GTF3C1: variants seen among roughly 807,000 people sequenced by gnomAD.
GTF3C1 encodes the protein general transcription factor IIIC subunit 1, also known as general transcription factor 3C polypeptide 1.
A neutral mutation model predicts 226.7 loss-of-function variants in GTF3C1; 57 were observed. The observed-to-expected ratio is 0.25, with a 90% CI of 0.20 to 0.31. The LOEUF (loss-of-function observed/expected upper bound fraction) is 0.31, where lower values mean the gene tolerates loss of function less well. Ranked by LOEUF, GTF3C1 falls within the 10% of genes least tolerant of loss-of-function variation. GTF3C1 has a pLI of 1.00. For missense variants in GTF3C1, 2,217 were observed against 2,776.1 expected (o/e 0.80, Z 4.53); for synonymous variants, 1,090 against 1,084.8 (o/e 1.00, Z -0.09).
At chr16:27,520,263 C>T (rs1249212233) in intron 6 of GTF3C1, among the ~76,000 whole-genome samples, 11 of 152,004 alleles carry the variant, frequency 7.2e-5, no homozygotes, top group East Asian at 1.9e-4. Context: ...TACAGGCGTG[C>T]GCTAACACAC....
Position 27,492,457 on chromosome 16 carries a change from T to C in GTF3C1, c.3032A>G (p.His1011Arg). 5 of 1,612,834 alleles carry C rather than the reference T, an allele frequency of 3.1e-6. No individual in the cohort carries two copies. The highest frequency in any genetic ancestry group is 4.2e-6 in the Non-Finnish European group (5 of 1,178,900). ...VIVDTTICDP[H>R]YNLARSSRPF... is the part of the protein sequence containing the mutation. ...CCGGCTGCTGCGGGCCAGGTTGTAA[T>C]GTGGGTCGCAGATGGTAGTGTCAAC... is the stretch of plus-strand genomic sequence containing the variant. The change falls in exon 19 of 37, where the codon CAT (histidine) becomes CGT (arginine). Residue 1011 changes from histidine (H) to arginine (R), a missense_variant. By Grantham distance (29) the His-to-Arg change is conservative. Coordinates refer to ENST00000356183, the MANE Select transcript of GTF3C1 (RefSeq NM_001520.4). This position sits in a 1 kb window ranked among gnomAD's most constrained non-coding sequence, Gnocchi z 5.0.
At chr16:27,504,822 TCAGGAGGCTGAAG>T (rs1471407750) in intron 10 of GTF3C1, among the ~76,000 whole-genome samples, 1 of 152,076 alleles carries the variant, frequency 6.6e-6, no homozygotes, top group African/African-American at 2.4e-5. Flanking sequence ...TCCCAGCTAC[TCAGGAGGCTGAAG>T]CAGGAGGATC....
intron 1 of GTF3C1, among the ~76,000 whole-genome samples, chr16:27,546,811 G>C (rs2089171298): frequency 1.3e-5 from 2 of 151,852 alleles, no homozygotes; most frequent in Non-Finnish European, 2.9e-5. Context: ...TTGTCACCCA[G>C]GCTGGAGTGC....
chr16:27,485,350 A>C (rs992698079), intron 24 of GTF3C1, among the ~76,000 whole-genome samples: 1 of 152,248 alleles, frequency 6.6e-6, no homozygotes, highest in South Asian at 2.1e-4. Flanking sequence ...AAGGCAAATA[A>C]GAGGTCTCGC....
chr16:27,504,676 G>A (rs530419653), intron 10 of GTF3C1, among the ~76,000 whole-genome samples: 1 of 152,020 alleles, frequency 6.6e-6, no homozygotes, highest in Admixed American at 6.5e-5. Context: ...AGCACTTTGG[G>A]AGGCTAAGGC....
chr16:27,469,595 G>A lies in GTF3C1; in HGVS notation c.4815-45C>T. 1 of 1,576,098 alleles carries A rather than the reference G, an allele frequency of 6.3e-7. No homozygotes were observed. Among genetic ancestry groups the A allele is most frequent in the Non-Finnish European group, 8.7e-7 (1 of 1,154,770 alleles). ...TGGATACCTGAGCATAGGCCAGCCA[G>A]TTGCTACTGCAGCCTCTCCCCTCCC... is the stretch of plus-strand genomic sequence containing the variant. On this transcript the variant is annotated intron_variant, in intron 31 of 36. Transcript: ENST00000356183. The surrounding 1 kb of genome is among the most constrained non-coding windows in gnomAD (Gnocchi z 4.5).
intron 6 of GTF3C1, among the ~76,000 whole-genome samples, chr16:27,525,208 C>CAAAGAAAAGAAAAG (rs2088814212): frequency 8.0e-6 from 1 of 125,444 alleles, no homozygotes; most frequent in African/African-American, 3.5e-5. Context: ...AAGAAAAGAT[C>CAAAGAAAAGAAAAG]AAATACTGAG....
chr16:27,464,570 G>A lies in GTF3C1; in HGVS notation c.5622C>T (p.Asp1874=), dbSNP rs751579786. The part of the protein sequence containing the change: ...ASWASENGET[D]AEGTQMTPAK... Reference sequence around the variant, plus strand: ...CAGGGGTCATCTGGGTGCCCTCGGCGTCGGTCTCCCCATTCTCACTGGCCC... The same window carrying A: ...CAGGGGTCATCTGGGTGCCCTCGGCATCGGTCTCCCCATTCTCACTGGCCC... The change falls in exon 34 of 37, where the codon GAC becomes GAT. Residue 1874 remains aspartate (D), a synonymous_variant. Coordinates refer to ENST00000356183, the MANE Select transcript of GTF3C1 (RefSeq NM_001520.4). The A allele has an allele frequency of 8.0e-6, 12 of 1,490,830 alleles. No individual in the cohort carries two copies. Among genetic ancestry groups the A allele is most frequent in the South Asian group, 2.8e-5 (2 of 72,184 alleles). 92.4% of individuals were successfully genotyped at this position (1,490,830 alleles called of 1,614,324 possible). A position where few individuals can be genotyped will look rare whatever the true frequency, so the allele number is the denominator to read the frequency against.
Position 27,489,121 on chromosome 16 carries a change from T to G in GTF3C1, c.3351A>C (p.Ala1117=). 1 of 1,613,976 alleles carries G rather than the reference T, an allele frequency of 6.2e-7. No homozygotes were observed. The highest frequency in any genetic ancestry group is 1.1e-5 in the South Asian group (1 of 91,074). ...GLIPGDGLGA[A]GLDSSFYGHL... is the part of the protein sequence containing the mutation. ...GTCCGTAGAAGCTGGAATCGAGCCC[T>G]GCGGCACCCAGCCCATCTCCAGGGA... The change falls in exon 21 of 37, where the codon GCA becomes GCC. Residue 1117 remains alanine, a synonymous_variant. Coordinates refer to ENST00000356183, the MANE Select transcript of GTF3C1 (RefSeq NM_001520.4).
At chr16:27,501,548 A>G (rs1370814398) in intron 11 of GTF3C1, among the ~76,000 whole-genome samples, 6 of 152,208 alleles carry the variant, frequency 3.9e-5, no homozygotes, top group Non-Finnish European at 8.8e-5. Flanking sequence ...AGGACAAGCC[A>G]CCAAAGACAG....
At chr16:27,504,809 C>T (rs1302278790) in intron 10 of GTF3C1, among the ~76,000 whole-genome samples, 3 of 152,100 alleles carry the variant, frequency 2.0e-5, no homozygotes, top group African/African-American at 7.2e-5. Flanking sequence ...AGGAAACCTG[C>T]AGTCCCAGCT....
chr16:27,478,451 C>G lies in GTF3C1; in HGVS notation c.4259+18G>C. Reference sequence around the variant, plus strand: ...ATTAAGCAGCTGAGGAAAAGCTACTCTATATATCAGTACTTACCTGTTAAG... The same window carrying G: ...ATTAAGCAGCTGAGGAAAAGCTACTGTATATATCAGTACTTACCTGTTAAG... On this transcript the variant is annotated intron_variant, in intron 28 of 36. Coordinates refer to ENST00000356183, the MANE Select transcript of GTF3C1 (RefSeq NM_001520.4). The G allele has an allele frequency of 6.6e-7, 1 of 1,522,414 alleles. No homozygotes were observed. The highest frequency in any genetic ancestry group is 2.3e-5 in the East Asian group (1 of 44,430). The allele number at this position is 1,522,414 out of a possible 1,614,324, so 94.3% of individuals were successfully genotyped here. A position where few individuals can be genotyped will look rare whatever the true frequency, so the allele number is the denominator to read the frequency against.
intron 10 of GTF3C1, 53 bp downstream of exon 10, chr16:27,505,846 T>C (rs2088476129): frequency 5.0e-6 from 5 of 990,258 alleles, no homozygotes; most frequent in Non-Finnish European, 8.1e-6. Flanking sequence ...ACAGAAACGA[T>C]GAGGCCACAG....
At chr16:27,482,904 C>T (rs1244352574) in intron 26 of GTF3C1, 140 bp downstream of exon 26, 6 of 682,338 alleles carry the variant, frequency 8.8e-6, no homozygotes, top group South Asian at 1.8e-5. Context: ...AGAGCTGACT[C>T]GGTGATTTCT....
chr16:27,501,347 G>C lies in GTF3C1; in HGVS notation c.1908-3C>G, dbSNP rs781705866. The C allele has an allele frequency of 6.2e-7, 1 of 1,613,806 alleles. No homozygotes were observed. The highest frequency in any genetic ancestry group is 8.5e-7 in the Non-Finnish European group (1 of 1,179,858). On this transcript the variant is annotated splice_polypyrimidine_tract_variant and splice_region_variant and intron_variant, in intron 11 of 36. Transcript: ENST00000356183. ...GATCCATGATCATCTTCTGAATCCT[G>C]GGCATCACAAAATAAGCAGATAACA...
chr16:27,487,081 C>T (rs868148699), intron 23 of GTF3C1, among the ~76,000 whole-genome samples: 4 of 152,164 alleles, frequency 2.6e-5, no homozygotes, highest in South Asian at 4.1e-4. Flanking sequence ...GACTGTTTAG[C>T]GAGTGTCTTC....
chr16:27,545,153 T>G (rs2141466211), intron 2 of GTF3C1, among the ~76,000 whole-genome samples, 161 bp downstream of exon 2: 1 of 152,262 alleles, frequency 6.6e-6, no homozygotes, highest in Middle Eastern at 3.4e-3. Context: ...ATTTTTGTAT[T>G]TTTAGTAGAA....
At chr16:27,485,429 T>A (rs1269691884) in intron 24 of GTF3C1, among the ~76,000 whole-genome samples, 2 of 152,180 alleles carry the variant, frequency 1.3e-5, no homozygotes, top group African/African-American at 4.8e-5. Flanking sequence ...ATGAGAAGTA[T>A]CCGGCCAAGA....
chr16:27,529,483 G>A (rs952756534), intron 5 of GTF3C1, among the ~76,000 whole-genome samples: 40 of 151,800 alleles, frequency 2.6e-4, no homozygotes, highest in African/African-American at 9.4e-4. Context: ...TGTGGTCTCT[G>A]AAGTTACAAC....
Sources: allele counts gnomAD v4.1 joint callset (sites outside exome capture counted in the v4.1 genomes callset), GRCh38; gene constraint gnomAD v4.1.1; non-coding constraint Gnocchi (gnomAD v3.1); transcripts MANE v1.5; gene names NCBI Gene and HGNC (gene_info 2026-07-23, HGNC 2026-07-21).